Variants in TMEM232 observed in about 807,000 individuals in gnomAD.
TMEM232 encodes transmembrane protein 232.
In TMEM232, 80 loss-of-function variants were observed where a neutral mutation model predicts 78.8. That is an observed-to-expected ratio of 1.01 (90% confidence interval 0.85 to 1.22). TMEM232 has a LOEUF of 1.22. TMEM232 is among the 50% of genes most tolerant of loss of function. The pLI is 0.00. For synonymous variants in TMEM232, 297 were observed against 254.3 expected (o/e 1.17, Z -1.60); for missense variants, 881 against 742.2 (o/e 1.19, Z -2.17).
intron 2 of TMEM232, among the ~76,000 whole-genome samples, chr5:110,656,396 C>A (rs1025143665): frequency 6.6e-6 from 1 of 152,096 alleles, no homozygotes; most frequent in Non-Finnish European, 1.5e-5. Context: ...AGCCTTATAT[C>A]CTTATGTTAA....
At chr5:110,394,745 A>C (rs2112561023) in intron 3 of TMEM232, among the ~76,000 whole-genome samples, 1 of 152,216 alleles carries the variant, frequency 6.6e-6, no homozygotes, top group Admixed American at 6.5e-5. Flanking sequence ...ATAATTTCCA[A>C]ATCATCTAGT....
intron 10 of TMEM232, among the ~76,000 whole-genome samples, chr5:110,592,955 C>T (rs1177328937): frequency 6.6e-6 from 1 of 152,114 alleles, no homozygotes; most frequent in Non-Finnish European, 1.5e-5. Context: ...AACTGTTGCT[C>T]ACCATACAAG....
At chr5:110,610,062 G>T (rs907360938) in intron 8 of TMEM232, among the ~76,000 whole-genome samples, 2 of 151,804 alleles carry the variant, frequency 1.3e-5, no homozygotes, top group South Asian at 2.1e-4. Context: ...AGATTGCAAA[G>T]AAATTAAAAT....
intron 10 of TMEM232, among the ~76,000 whole-genome samples, chr5:110,590,816 A>G (rs768565056): frequency 5.9e-5 from 9 of 152,152 alleles, no homozygotes; most frequent in Non-Finnish European, 1.0e-4. Flanking sequence ...TCGTGGTGGA[A>G]GGGGAAGCAA....
intron 12 of TMEM232, among the ~76,000 whole-genome samples, chr5:110,508,452 G>C (rs1311827199): frequency 6.6e-6 from 1 of 150,970 alleles, no homozygotes; most frequent in African/African-American, 2.4e-5. Flanking sequence ...TATATATCTT[G>C]AGGGGTAATA....
chr5:110,686,405 A>G (rs1019137448), intron 1 of TMEM232, among the ~76,000 whole-genome samples: 1 of 151,944 alleles, frequency 6.6e-6, no homozygotes, highest in East Asian at 1.9e-4. Context: ...GCAAGCAGAA[A>G]CTGCCAGGCA....
At chr5:110,652,013 G>A (rs1402643972) in intron 2 of TMEM232, among the ~76,000 whole-genome samples, 2 of 152,070 alleles carry the variant, frequency 1.3e-5, no homozygotes, top group Admixed American at 1.3e-4. Flanking sequence ...TGCTTGAAAT[G>A]TATAAAATGT....
chr5:110,579,657 G>A (rs1313038654), intron 10 of TMEM232, among the ~76,000 whole-genome samples: 1 of 150,962 alleles, frequency 6.6e-6, no homozygotes, highest in Non-Finnish European at 1.5e-5. Flanking sequence ...TAATCTCAAA[G>A]GAAATACCTA....
At chr5:110,388,022 A>C (rs921795399) in exon 5 of TMEM232, 3 of 152,304 alleles carry the variant, frequency 2.0e-5, no homozygotes, top group African/African-American at 7.2e-5. Flanking sequence ...ACACGAACAC[A>C]TGTGTGTGAG....
At chr5:110,682,993 T>C (rs1029876158) in intron 1 of TMEM232, among the ~76,000 whole-genome samples, 3 of 152,124 alleles carry the variant, frequency 2.0e-5, no homozygotes, top group African/African-American at 7.2e-5. Context: ...ACTATGTCTG[T>C]TTCATTGTGC....
chr5:110,527,323 A>T (rs1770742834), intron 12 of TMEM232, among the ~76,000 whole-genome samples: 1 of 151,920 alleles, frequency 6.6e-6, no homozygotes, highest in African/African-American at 2.4e-5. Flanking sequence ...TTTACATATT[A>T]ATCCAAATTA....
At chr5:110,557,988 C>T (rs1775304277) in intron 11 of TMEM232, among the ~76,000 whole-genome samples, 1 of 152,028 alleles carries the variant, frequency 6.6e-6, no homozygotes, top group South Asian at 2.1e-4. Flanking sequence ...TTTTGATTTC[C>T]TTGAAGGTTT....
At chr5:110,445,775 C>A (rs763040483) in intron 12 of TMEM232, among the ~76,000 whole-genome samples, 4 of 151,966 alleles carry the variant, frequency 2.6e-5, no homozygotes, top group Non-Finnish European at 5.9e-5. Flanking sequence ...TGCTGGCTGG[C>A]GATCAAAGAC....
At chr5:110,674,860 C>T (rs1386953683) in intron 1 of TMEM232, among the ~76,000 whole-genome samples, 3 of 152,144 alleles carry the variant, frequency 2.0e-5, no homozygotes, top group South Asian at 2.1e-4. Context: ...TAGAAACGCA[C>T]AGACACTGCA....
chr5:110,464,533 T>G (rs1488601), intron 12 of TMEM232, among the ~76,000 whole-genome samples: 2 of 152,148 alleles, frequency 1.3e-5, no homozygotes, highest in Admixed American at 6.5e-5. Context: ...AATGGACACC[T>G]AGGTGTCCAG....
intron 12 of TMEM232, among the ~76,000 whole-genome samples, chr5:110,527,642 G>A (rs1021688564): frequency 1.3e-5 from 2 of 151,724 alleles, no homozygotes; most frequent in Non-Finnish European, 3.0e-5. Context: ...TATATAGCAG[G>A]TACAATGAAC....
intron 1 of TMEM232, among the ~76,000 whole-genome samples, chr5:110,718,033 G>A (rs1392657926): frequency 6.6e-6 from 1 of 152,060 alleles, no homozygotes; most frequent in Non-Finnish European, 1.5e-5. Context: ...AACTAAGAAG[G>A]ATCTGAATAT....
chr5:110,687,427 T>C (rs894557971), intron 1 of TMEM232, among the ~76,000 whole-genome samples: 2 of 152,150 alleles, frequency 1.3e-5, no homozygotes, highest in Non-Finnish European at 2.9e-5. Flanking sequence ...TTTAGGTTGA[T>C]ATTCTAGTCT....
chr5:110,628,679 GTGTGTGTGTGTGT>G (rs1784729162), intron 5 of TMEM232, among the ~76,000 whole-genome samples: 1 of 151,604 alleles, frequency 6.6e-6, no homozygotes, highest in African/African-American at 2.4e-5. Context: ...GTGTGTGTGT[GTGTGTGTGTGTGT>G]GTGTGTGTAT....
Sources: allele counts gnomAD v4.1 joint callset (sites outside exome capture counted in the v4.1 genomes callset), GRCh38; gene constraint gnomAD v4.1.1; transcripts MANE v1.5; gene names NCBI Gene and HGNC (gene_info 2026-07-23, HGNC 2026-07-21).